The following DACH1 variants were observed in gnomAD, a reference collection of about 807,000 sequenced individuals.
DACH1 encodes dachshund homolog 1.
In DACH1, 12 loss-of-function variants were observed where a neutral mutation model predicts 54.2. The observed-to-expected ratio is 0.22, with a 90% CI of 0.14 to 0.36. The LOEUF is 0.36. DACH1 is among the 10% of genes least tolerant of loss of function. The pLI, the probability that DACH1 is intolerant of heterozygous loss-of-function variation, is 1.00. For synonymous variants in DACH1, 386 were observed against 366.2 expected, an observed-to-expected ratio of 1.05 and a Z score of -0.62; for missense variants, 805 against 929.8, an observed-to-expected ratio of 0.87 and a Z score of 1.75.
At chr13:71,514,090 T>C (rs1283963904) in intron 6 of DACH1, among the ~76,000 whole-genome samples, 1 of 152,056 alleles carries the variant, frequency 6.6e-6, no homozygotes, top group Non-Finnish European at 1.5e-5. Flanking sequence ...ATATTAAAAA[T>C]AAAAAGTCCA....
intron 6 of DACH1, among the ~76,000 whole-genome samples, chr13:71,543,483 T>C (rs1276728462): frequency 6.6e-6 from 1 of 152,140 alleles, no homozygotes; most frequent in Non-Finnish European, 1.5e-5. Flanking sequence ...ATTCGCATAA[T>C]GTTTCTATTA....
rs57078245 is a variant in DACH1, at chr13:71,674,440, TACACACACACACACAC to T, written c.964+7339_964+7354del. 2.1e-4 allele frequency among the ~76,000 whole-genome samples: 29 copies of T among 141,136 alleles called. No individual in the cohort carries two copies. The East Asian group carries it at 2.3e-3, about 11-fold the overall frequency. 92.6% of individuals were successfully genotyped at this position (141,136 alleles called of 152,430 possible). A position where few individuals can be genotyped will look rare whatever the true frequency, so the allele number is the denominator to read the frequency against. On this transcript the variant is annotated intron_variant, in intron 2 of 10. Coordinates refer to ENST00000613252, the MANE Select transcript of DACH1 (RefSeq NM_080759.6). The stretch of plus-strand genomic sequence containing the variant: ...TTAAAAGAGAGTCAGAGGGAGATTT[TACACACACACACACAC>T]ACACACACACACACACACACACACA...
In DACH1 at chr13:71,608,169, C is replaced by T. The variant is rs533835517; in HGVS notation, c.1126+22387G>A. On this transcript the variant is annotated intron_variant, in intron 3 of 10. Coordinates refer to ENST00000613252, the MANE Select transcript of DACH1 (RefSeq NM_080759.6). Reference sequence around the variant, plus strand: ...ATCTCTTGCAAAACATTTTTATATACACATCAGAAAAATACTTTTTCTGAA... The same window carrying T: ...ATCTCTTGCAAAACATTTTTATATATACATCAGAAAAATACTTTTTCTGAA... Among the ~76,000 whole-genome samples the T allele has an allele frequency of 3.3e-3, 508 of 151,914 alleles. 6 individuals carry two copies. The highest frequency in any genetic ancestry group is 3.9e-3 in the Non-Finnish European group (266 of 67,824).
chr13:71,726,720 A>G (rs1358893520), intron 1 of DACH1, among the ~76,000 whole-genome samples: 1 of 152,022 alleles, frequency 6.6e-6, no homozygotes, highest in African/African-American at 2.4e-5. Flanking sequence ...TAGAGAGGCA[A>G]TTTTGAAAAA....
intron 1 of DACH1, among the ~76,000 whole-genome samples, chr13:71,816,657 C>T (rs540747631): frequency 5.2e-3 from 117 of 22,370 alleles, no homozygotes; most frequent in African/African-American, 9.7e-3. Context: ...TATATATATA[C>T]ACGTGTATAT....
chr13:71,701,661 A>G (rs1882141967), intron 1 of DACH1, among the ~76,000 whole-genome samples: 1 of 152,198 alleles, frequency 6.6e-6, no homozygotes, highest in Admixed American at 6.5e-5. Flanking sequence ...ATGGACTAAA[A>G]CTAAACTACA....
intron 1 of DACH1, among the ~76,000 whole-genome samples, chr13:71,778,903 T>C (rs903627666): frequency 4.3e-4 from 65 of 151,946 alleles, no homozygotes; most frequent in Non-Finnish European, 8.8e-4. Flanking sequence ...AAGTTGGAGC[T>C]TTATGTGATA....
At chr13:71,702,124 G>C (rs974610036) in intron 1 of DACH1, among the ~76,000 whole-genome samples, 3 of 152,046 alleles carry the variant, frequency 2.0e-5, no homozygotes, top group African/African-American at 7.2e-5. Context: ...TAAAAGTTAC[G>C]CAAGTCACAA....
At chr13:71,582,991 G>T (rs920542062) in intron 3 of DACH1, among the ~76,000 whole-genome samples, 3 of 152,218 alleles carry the variant, frequency 2.0e-5, no homozygotes, top group South Asian at 2.1e-4. Context: ...TCTGTAGATT[G>T]CCATGACAAT....
intron 1 of DACH1, among the ~76,000 whole-genome samples, chr13:71,815,745 A>G (rs982819988): frequency 6.6e-6 from 1 of 152,232 alleles, no homozygotes; most frequent in Non-Finnish European, 1.5e-5. Flanking sequence ...CTTGAACTAC[A>G]GACTATGTCA....
At chr13:71,498,278 A>G (rs901552566) in intron 6 of DACH1, among the ~76,000 whole-genome samples, 12 of 152,202 alleles carry the variant, frequency 7.9e-5, no homozygotes, top group African/African-American at 2.9e-4. Context: ...ATCTAGTCGC[A>G]GCTACCTAAC....
intron 1 of DACH1, among the ~76,000 whole-genome samples, chr13:71,840,132 G>C (rs908825488): frequency 9.9e-5 from 15 of 152,016 alleles, no homozygotes; most frequent in Non-Finnish European, 1.5e-4. Context: ...ATTTTTAGTA[G>C]AGATGGGGTT....
chr13:71,587,389 C>T (rs1214332309), intron 3 of DACH1, among the ~76,000 whole-genome samples: 4 of 151,828 alleles, frequency 2.6e-5, no homozygotes, highest in East Asian at 1.9e-4. Context: ...GGATAATGCC[C>T]CTTTTGAAGT....
intron 1 of DACH1, among the ~76,000 whole-genome samples, chr13:71,811,110 T>C (rs1212483535): frequency 6.6e-6 from 1 of 152,148 alleles, no homozygotes; most frequent in Non-Finnish European, 1.5e-5. Flanking sequence ...AACTAAGATA[T>C]CTGATTATAT....
chr13:71,712,487 A>G (rs1882766088), intron 1 of DACH1, among the ~76,000 whole-genome samples: 1 of 152,138 alleles, frequency 6.6e-6, no homozygotes, highest in Non-Finnish European at 1.5e-5. Flanking sequence ...ACTACATTGC[A>G]TTGACCTTCC....
chr13:71,820,722 G>C (rs941586227), intron 1 of DACH1, among the ~76,000 whole-genome samples: 3 of 152,148 alleles, frequency 2.0e-5, no homozygotes, highest in African/African-American at 7.2e-5. Flanking sequence ...AAGAGCATTA[G>C]AAATCTTTTG....
intron 6 of DACH1, among the ~76,000 whole-genome samples, chr13:71,497,882 AC>A (rs1879572988): frequency 6.6e-6 from 1 of 151,304 alleles, no homozygotes; most frequent in East Asian, 1.9e-4. Context: ...ACACACACAC[AC>A]ACACACACAC....
At chr13:71,683,853 G>C (rs557924498) in intron 1 of DACH1, among the ~76,000 whole-genome samples, 144 of 152,030 alleles carry the variant, frequency 9.5e-4, no homozygotes, top group African/African-American at 3.4e-3. Context: ...TCTTTCTCCT[G>C]GGATTCAGAC....
chr13:71,468,552 CTT>C (rs1383319946), intron 10 of DACH1, among the ~76,000 whole-genome samples: 3 of 152,136 alleles, frequency 2.0e-5, no homozygotes, highest in Admixed American at 1.3e-4. Context: ...TTGAACAATA[CTT>C]TCATAAAGAT....
Sources: gnomAD v4.1 joint callset for allele counts (sites outside exome capture counted in the v4.1 genomes callset) on GRCh38, gnomAD v4.1.1 for gene constraint, MANE v1.5 for transcripts, NCBI Gene and HGNC (gene_info 2026-07-23, HGNC 2026-07-21) for gene names.